The following FAM217B variants were observed in gnomAD, a reference collection of about 807,000 sequenced individuals.
FAM217B encodes protein FAM217B.
For synonymous variants in FAM217B, 163 were observed against 173.0 expected (o/e 0.94, Z 0.45); for missense variants, 463 against 456.9 (o/e 1.01, Z -0.12).
At chr20:59,939,029 G>C (rs759003138), upstream of FAM217B, 3 of 1,514,458 alleles carry the variant, frequency 2.0e-6, no homozygotes, top group Non-Finnish European at 1.8e-6. Flanking sequence ...GTCCCCGCGC[G>C]GCTCAGATGA....
rs376351280 is a variant in FAM217B, at chr20:59,946,118, G to A, written c.*1023G>A. The A allele has an allele frequency of 1.5e-4, 25 of 167,152 alleles. No homozygotes were observed. The East Asian group carries it at 1.9e-3, about 13-fold the overall frequency. The allele number at this position is 167,152 out of a possible 1,614,324, so 10.4% of individuals were successfully genotyped here. ...AGAGCAGGATTTTATTATTTTGCTT[G>A]GGGTGAGGGGCGGGAGAGTGGAATA... On this transcript the variant is annotated 3_prime_UTR_variant, in exon 4 of 4. Coordinates refer to ENST00000360816, the MANE Select transcript of FAM217B (RefSeq NM_022106.3).
rs1184459844 is a variant in FAM217B at position 59,946,664 on chromosome 20, C to T, written c.*1569C>T. On this transcript the variant is annotated 3_prime_UTR_variant, in exon 4 of 4. Transcript: ENST00000360816. ...ATTTTCAGACTTGTACAAGTTCCTTCTTACATTCTTTCCCTCTCACACCAT... is the reference window on the plus strand; with the variant it reads ...ATTTTCAGACTTGTACAAGTTCCTTTTTACATTCTTTCCCTCTCACACCAT... The T allele has an allele frequency of 1.2e-5, 2 of 166,988 alleles. No homozygotes were observed. The highest frequency in any genetic ancestry group is 3.8e-4 in the East Asian group (2 of 5,200). The allele number at this position is 166,988 out of a possible 1,614,324, so 10.3% of individuals were successfully genotyped here.
upstream of FAM217B, chr20:59,939,619 A>G (rs1569005710): frequency 6.3e-7 from 1 of 1,590,138 alleles, no homozygotes; most frequent in Non-Finnish European, 8.5e-7. Flanking sequence ...GCGTCGGCGA[A>G]GCGCACGCGG....
Position 59,944,137 on chromosome 20 carries a change from C to T in FAM217B, c.194C>T (p.Ser65Phe). 6.2e-7 allele frequency: 1 copy of T among 1,614,030 alleles called. No individual in the cohort carries two copies. Among genetic ancestry groups the T allele is most frequent in the Non-Finnish European group, 8.5e-7 (1 of 1,179,984 alleles). Residue 65 changes from serine to phenylalanine, a missense_variant, in exon 4 of 4, where the codon TCC becomes TTC. Coordinates refer to ENST00000360816, the MANE Select transcript of FAM217B (RefSeq NM_022106.3). ...AGACGCAAAAGGAATCCACTCGGTT[C>T]CAGGTGTCAGGGGGCCTCAGGGAAT... ...EARRKRNPLG[S>F]RCQGASGNKL...
upstream of FAM217B, chr20:59,937,615 T>G: frequency 6.6e-6 from 1 of 152,396 alleles, no homozygotes; most frequent in African/African-American, 2.4e-5. Flanking sequence ...ATCAGACTGG[T>G]TTCAGCTGTA....
intron 1 of FAM217B, among the ~76,000 whole-genome samples, chr20:59,934,496 A>G (rs979479596): frequency 9.2e-5 from 14 of 152,186 alleles, no homozygotes; most frequent in African/African-American, 3.1e-4. Flanking sequence ...GTGCACTGAG[A>G]TGCAGCTCGG....
At position 59,948,629 on chromosome 20, in the gene FAM217B, TG is replaced by T. The variant is rs2060951702; in HGVS notation, c.*3535del. On this transcript the variant is annotated 3_prime_UTR_variant, in exon 4 of 4. Coordinates refer to ENST00000360816, the MANE Select transcript of FAM217B (RefSeq NM_022106.3). Reference sequence around the variant, plus strand: ...GAATTGATGTAAGTTTTTGTGGACTTGAATTTCTCCTTCCTTGAGATCAATT... The same window carrying T: ...GAATTGATGTAAGTTTTTGTGGACTTAATTTCTCCTTCCTTGAGATCAATT... 1 of 167,074 alleles carries T rather than the reference TG, an allele frequency of 6.0e-6. No homozygotes were observed. Among genetic ancestry groups the T allele is most frequent in the African/African-American group, 2.4e-5 (1 of 41,472 alleles). 10.3% of individuals were successfully genotyped at this position (167,074 alleles called of 1,614,324 possible).
upstream of FAM217B, among the ~76,000 whole-genome samples, chr20:59,935,550 T>C (rs2060857210): frequency 6.6e-6 from 1 of 152,198 alleles, no homozygotes; most frequent in Non-Finnish European, 1.5e-5. Context: ...ATGGGATTGC[T>C]TGAGGCCAGG....
intron 3 of FAM217B, among the ~76,000 whole-genome samples, chr20:59,943,077 T>C (rs1470205703): frequency 1.3e-5 from 2 of 152,230 alleles, no homozygotes; most frequent in Admixed American, 6.5e-5. Context: ...ATCTGACTTA[T>C]ATTACAGAGA....
chr20:59,939,532 G>T, upstream of FAM217B: 1 of 1,611,998 alleles, frequency 6.2e-7, no homozygotes, highest in Non-Finnish European at 8.5e-7. Context: ...ATTGCGAGCC[G>T]CGACAGCACG....
rs556565778 is a variant in FAM217B at position 59,934,694 on chromosome 20, TTCAAA to T, written c.-326+847_-326+851del. Among the ~76,000 whole-genome samples, 545 of 152,340 alleles carry T rather than the reference TTCAAA, an allele frequency of 3.6e-3. 4 individuals are homozygous for T. Among genetic ancestry groups the T allele is most frequent in the African/African-American group, 0.013 (526 of 41,576 alleles). The stretch of plus-strand genomic sequence containing the variant: ...GTGTAGTTAAACTTTTATAGGTATC[TTCAAA>T]TCAAAATTTAAAATTATATTTTAAT... On this transcript the variant is annotated intron_variant, in intron 1 of 4. Transcript: ENST00000358293.
Position 59,944,808 on chromosome 20 carries a change from A to C in FAM217B, c.865A>C (p.Arg289=). The C allele has an allele frequency of 6.2e-7, 1 of 1,614,228 alleles. No homozygotes were observed. The highest frequency in any genetic ancestry group is 8.5e-7 in the Non-Finnish European group (1 of 1,180,046). Reference sequence around the variant, plus strand: ...TTCTCAGAGGCAAACCCTTGAAATGAGGACAGAAGAAAAGAAAAAGAAATC... The same window carrying C: ...TTCTCAGAGGCAAACCCTTGAAATGCGGACAGAAGAAAAGAAAAAGAAATC... ...FCSQRQTLEM[R]TEEKKKKSSK... Residue 289 remains arginine, a synonymous_variant, in exon 4 of 4, where the codon AGG becomes CGG. Coordinates refer to ENST00000360816, the MANE Select transcript of FAM217B (RefSeq NM_022106.3).
chr20:59,937,434 T>C (rs1385597909), upstream of FAM217B: 1 of 152,590 alleles, frequency 6.6e-6, no homozygotes, highest in Admixed American at 6.5e-5. Context: ...TATTAAAAGA[T>C]ACCGAAGAAA....
upstream of FAM217B, chr20:59,938,111 AG>A (rs1303378018): frequency 2.6e-5 from 4 of 152,264 alleles, no homozygotes; most frequent in African/African-American, 9.6e-5. Flanking sequence ...ATCATCAAAA[AG>A]GTAATTGCAA....
upstream of FAM217B, among the ~76,000 whole-genome samples, chr20:59,936,010 AT>A (rs2060860153): frequency 1.3e-5 from 2 of 152,162 alleles, no homozygotes; most frequent in African/African-American, 4.8e-5. Context: ...CAATTTTGTT[AT>A]TGTGTGAATA....
At chr20:59,943,363 A>G (rs1386614574) in intron 3 of FAM217B, among the ~76,000 whole-genome samples, 1 of 152,164 alleles carries the variant, frequency 6.6e-6, no homozygotes, top group East Asian at 1.9e-4. Flanking sequence ...GTTTGAAAAC[A>G]TTGTAACAAG....
upstream of FAM217B, chr20:59,939,802 G>C: frequency 8.1e-7 from 1 of 1,231,064 alleles, no homozygotes; most frequent in Non-Finnish European, 1.0e-6. Context: ...GGGCTCCCAG[G>C]GGGCCTACAG....
chr20:59,940,805 C>A (rs2060899991), intron 1 of FAM217B, among the ~76,000 whole-genome samples: 1 of 152,154 alleles, frequency 6.6e-6, no homozygotes, highest in African/African-American at 2.4e-5. Context: ...AGAGGAGCAG[C>A]GTCATGTCCA....
chr20:59,933,824 CT>C (rs2145937299), exon 1 of FAM217B: 1 of 146,712 alleles, frequency 6.8e-6, no homozygotes, highest in South Asian at 2.3e-4. Context: ...AAGGGGGACG[CT>C]GTGGGCGCGG....
Sources: allele counts gnomAD v4.1 joint callset (sites outside exome capture counted in the v4.1 genomes callset), GRCh38; gene constraint gnomAD v4.1.1; transcripts MANE v1.5; gene names NCBI Gene and HGNC (gene_info 2026-07-23, HGNC 2026-07-21).